CPPED1: variants seen among roughly 807,000 people sequenced by gnomAD.
CPPED1 encodes calcineurin like phosphoesterase domain containing 1.
In CPPED1, 28 loss-of-function variants were observed where a neutral mutation model predicts 28.0. That is an observed-to-expected ratio of 1.00 (90% CI 0.74 to 1.37). CPPED1 has a LOEUF of 1.37. Ranked by LOEUF, CPPED1 falls within the 40% of genes most tolerant of loss-of-function variation. CPPED1 has a pLI of 0.00. For missense variants in CPPED1, 504 were observed against 416.5 expected (o/e 1.21, Z -1.83); for synonymous variants, 198 against 180.2 (o/e 1.10, Z -0.79).
Position 12,769,406 on chromosome 16 carries a change from CAA to C in CPPED1, c.289+11777_289+11778del, listed in dbSNP as rs902060452. Among the ~76,000 whole-genome samples, 151 of 152,174 alleles carry C rather than the reference CAA, an allele frequency of 9.9e-4. 1 individual carries two copies. The highest frequency in any genetic ancestry group is 3.4e-3 in the African/African-American group (143 of 41,514). On this transcript the variant is annotated intron_variant, in intron 2 of 3. Transcript: ENST00000381774. The stretch of plus-strand genomic sequence containing the variant: ...CAACTTGATGAAGGAATCCGAGGCA[CAA>C]AATGGGTTAAGACGCCGAGACTTGG...
At chr16:12,688,443 A>T (rs763312072) in intron 3 of CPPED1, among the ~76,000 whole-genome samples, 2 of 146,934 alleles carry the variant, frequency 1.4e-5, no homozygotes, top group African/African-American at 5.1e-5. Flanking sequence ...TGAAGTGATT[A>T]TTCTCCTGCC....
intron 1 of CPPED1, among the ~76,000 whole-genome samples, chr16:12,800,989 T>C (rs1261882462): frequency 6.6e-6 from 1 of 152,204 alleles, no homozygotes; most frequent in Non-Finnish European, 1.5e-5. Context: ...ATTACAAGCC[T>C]CTGAGAGCAT....
At chr16:12,666,342 A>G (rs2079825767) in intron 3 of CPPED1, among the ~76,000 whole-genome samples, 1 of 152,160 alleles carries the variant, frequency 6.6e-6, no homozygotes, top group Non-Finnish European at 1.5e-5. Flanking sequence ...CCGGGAGTTC[A>G]GCTCTTAGAA....
In CPPED1 at chr16:12,803,136, T is replaced by A. The variant is rs551161526; in HGVS notation, c.70+571A>T. Among the ~76,000 whole-genome samples the A allele has an allele frequency of 2.0e-5, 3 of 152,332 alleles. No homozygotes were observed. The South Asian group carries it at 6.2e-4, about 32-fold the overall frequency. The stretch of plus-strand genomic sequence containing the variant: ...AAACCCATTTTTAAGGCAAAGCAGA[T>A]AATCTAAATCCAAAATCCAAGCACT... On this transcript the variant is annotated intron_variant, in intron 1 of 3. Transcript: ENST00000381774.
At position 12,664,257 on chromosome 16, in the gene CPPED1, G is replaced by C; in HGVS notation, c.*629C>G. 3.0e-6 allele frequency: 2 copies of C among 660,358 alleles called. No homozygotes were observed. The highest frequency in any genetic ancestry group is 3.8e-6 in the Non-Finnish European group (2 of 532,734). 40.9% of individuals were successfully genotyped at this position (660,358 alleles called of 1,614,324 possible). A position where few individuals can be genotyped will look rare whatever the true frequency, so the allele number is the denominator to read the frequency against. ...CAAAGGTGACTTTTCTAGGCACCCA[G>C]GAAGGCAAATTTAAGCTCCGAGCTG... On this transcript the variant is annotated 3_prime_UTR_variant, in exon 4 of 4. Coordinates refer to ENST00000381774, the MANE Select transcript of CPPED1 (RefSeq NM_018340.3). The surrounding 1 kb of genome is among the most constrained non-coding windows in gnomAD (Gnocchi z 4.2).
chr16:12,697,137 G>A lies in CPPED1; in HGVS notation c.715+7487C>T, dbSNP rs575899426. On this transcript the variant is annotated intron_variant, in intron 3 of 3. Coordinates refer to ENST00000381774, the MANE Select transcript of CPPED1 (RefSeq NM_018340.3). Reference sequence around the variant, plus strand: ...CCTCCCAGGTTCAAGCCAATGTCCTGCCTTAGCCTCCCAAGTAGCTAGGAC... The same window carrying A: ...CCTCCCAGGTTCAAGCCAATGTCCTACCTTAGCCTCCCAAGTAGCTAGGAC... Among the ~76,000 whole-genome samples, 19 of 152,194 alleles carry A rather than the reference G, an allele frequency of 1.2e-4. No homozygotes were observed. In the South Asian group the frequency reaches 4.0e-3, roughly 32 times the overall value.
chr16:12,771,142 G>A (rs781769574), intron 2 of CPPED1, among the ~76,000 whole-genome samples: 3 of 152,046 alleles, frequency 2.0e-5, no homozygotes, highest in South Asian at 2.1e-4. Flanking sequence ...CAAAAAACAC[G>A]GAGAACTTCA....
chr16:12,733,920 A>C (rs2080212489), intron 2 of CPPED1, among the ~76,000 whole-genome samples: 1 of 152,114 alleles, frequency 6.6e-6, no homozygotes, highest in South Asian at 2.1e-4. Flanking sequence ...TGAAAAAAAA[A>C]CTAAATCATA....
chr16:12,708,846 GA>G (rs2141189797), intron 2 of CPPED1, among the ~76,000 whole-genome samples: 1 of 152,304 alleles, frequency 6.6e-6, no homozygotes, highest in South Asian at 2.1e-4. Context: ...TTGGGAGGCT[GA>G]GGCAGGAGGA....
rs1247172383 is a variant in CPPED1 at position 12,709,316 on chromosome 16, T to C, written c.290-4267A>G. On this transcript the variant is annotated intron_variant, in intron 2 of 3. Coordinates refer to ENST00000381774, the MANE Select transcript of CPPED1 (RefSeq NM_018340.3). This position sits in a 1 kb window ranked among gnomAD's most constrained non-coding sequence, Gnocchi z 4.4. The stretch of plus-strand genomic sequence containing the variant: ...GACTCAGAAGAGGGGCAGAGAAGGA[T>C]TGTTCTGGGGTCTCCAAGGTGGATA... Among the ~76,000 whole-genome samples the C allele has an allele frequency of 2.6e-5, 4 of 151,614 alleles. No homozygotes were observed. Among genetic ancestry groups the C allele is most frequent in the Non-Finnish European group, 4.4e-5 (3 of 67,908 alleles).
chr16:12,745,717 T>C (rs1385025129), intron 2 of CPPED1, among the ~76,000 whole-genome samples: 3 of 152,146 alleles, frequency 2.0e-5, no homozygotes, highest in Admixed American at 6.5e-5. Flanking sequence ...AAGATAACCA[T>C]TGGGTACTGA....
chr16:12,707,709 A>G (rs1424949447), intron 2 of CPPED1, among the ~76,000 whole-genome samples: 1 of 152,190 alleles, frequency 6.6e-6, no homozygotes, highest in East Asian at 1.9e-4. Context: ...GCAACCAACA[A>G]GGAAGAGCTG....
chr16:12,689,217 C>CTTTTTTTTT lies in CPPED1; in HGVS notation c.715+15398_715+15406dup, dbSNP rs869107040. Among the ~76,000 whole-genome samples, 148 of 83,584 alleles carry CTTTTTTTTT rather than the reference C, an allele frequency of 1.8e-3. 4 individuals carry two copies. The highest frequency in any genetic ancestry group is 7.1e-3 in the African/African-American group (143 of 20,084). 54.8% of individuals were successfully genotyped at this position (83,584 alleles called of 152,430 possible). Reference sequence around the variant, plus strand: ...TATGATCAGCTATATGAAAAGAGGGCTTTTTTTTTTTTTTTTTTTTTTTTA... The same window carrying CTTTTTTTTT: ...TATGATCAGCTATATGAAAAGAGGGCTTTTTTTTTTTTTTTTTTTTTTTTTTTTTTTTTA... On this transcript the variant is annotated intron_variant, in intron 3 of 3. Coordinates refer to ENST00000381774, the MANE Select transcript of CPPED1 (RefSeq NM_018340.3).
At chr16:12,700,673 T>A (rs2080015726) in intron 3 of CPPED1, among the ~76,000 whole-genome samples, 1 of 152,228 alleles carries the variant, frequency 6.6e-6, no homozygotes, top group South Asian at 2.1e-4. Context: ...ATTACAGGTG[T>A]GAACTACCAC....
At chr16:12,712,462 TACAG>T (rs1203471608) in intron 2 of CPPED1, among the ~76,000 whole-genome samples, 1 of 152,222 alleles carries the variant, frequency 6.6e-6, no homozygotes. Flanking sequence ...GCCTTTATCC[TACAG>T]ACACATACAC....
chr16:12,674,038 G>T (rs924691858), intron 3 of CPPED1, among the ~76,000 whole-genome samples: 1 of 152,098 alleles, frequency 6.6e-6, no homozygotes, highest in African/African-American at 2.4e-5. Context: ...AACAGAGCAA[G>T]ACCCTGTCTC....
intron 2 of CPPED1, among the ~76,000 whole-genome samples, chr16:12,724,516 G>A (rs138971416): frequency 7.4e-4 from 112 of 152,096 alleles, no homozygotes; most frequent in African/African-American, 2.6e-3. Context: ...AATCACAAAC[G>A]GCTTACAGCT....
At position 12,745,698 on chromosome 16, in the gene CPPED1, G is replaced by C. The variant is rs141321833; in HGVS notation, c.289+35487C>G. ...AGGCGGGAGGGTGGGAGGAGAGAGAGGAGCAGAAAAGATAACCATTGGGTA... is the reference window on the plus strand; with the variant it reads ...AGGCGGGAGGGTGGGAGGAGAGAGACGAGCAGAAAAGATAACCATTGGGTA... On this transcript the variant is annotated intron_variant, in intron 2 of 3. Transcript: ENST00000381774. Among the ~76,000 whole-genome samples, 1,180 of 152,324 alleles carry C rather than the reference G, an allele frequency of 7.7e-3. 16 individuals are homozygous for C. Among genetic ancestry groups the C allele is most frequent in the African/African-American group, 0.027 (1,117 of 41,556 alleles).
intron 2 of CPPED1, among the ~76,000 whole-genome samples, chr16:12,728,256 C>T (rs968322406): frequency 2.0e-5 from 3 of 151,924 alleles, no homozygotes; most frequent in Non-Finnish European, 4.4e-5. Flanking sequence ...AAATGTATTA[C>T]GTACAGTAAT....
Sources: allele counts gnomAD v4.1 joint callset (sites outside exome capture counted in the v4.1 genomes callset), GRCh38; gene constraint gnomAD v4.1.1; non-coding constraint Gnocchi (gnomAD v3.1); transcripts MANE v1.5; gene names NCBI Gene and HGNC (gene_info 2026-07-23, HGNC 2026-07-21).